INPP4A: variants seen among roughly 807,000 people sequenced by gnomAD.
INPP4A encodes the protein inositol polyphosphate-4-phosphatase type I A.
In INPP4A, 33 loss-of-function variants were observed where a neutral mutation model predicts 119.8. The observed-to-expected ratio is 0.28, with a 90% CI of 0.21 to 0.37. The LOEUF is 0.37. INPP4A is among the 10% of genes least tolerant of loss of function. INPP4A has a pLI of 1.00. For missense variants in INPP4A, 956 were observed against 1,289.9 expected (o/e 0.74, Z 3.97); for synonymous variants, 496 against 500.7 (o/e 0.99, Z 0.12).
Position 98,444,945 on chromosome 2 carries a change from G to A in INPP4A, c.-306G>A, listed in dbSNP as rs1315575384. The A allele has an allele frequency of 6.6e-6, 1 of 151,126 alleles. No individual in the cohort carries two copies. The highest frequency in any genetic ancestry group is 1.5e-5 in the Non-Finnish European group (1 of 67,704). The allele number at this position is 151,126 out of a possible 1,614,324, so 9.4% of individuals were successfully genotyped here. ...CGCCGGGTCGGGCTCCGTGGGCCGG[G>A]GCAGGAGGACCAGCACCTGAGGCCG... On this transcript the variant is annotated 5_prime_UTR_variant, in exon 1 of 25. Transcript: ENST00000409851.
At chr2:98,542,704 A>G (rs1207544779) in intron 10 of INPP4A, among the ~76,000 whole-genome samples, 2 of 150,660 alleles carry the variant, frequency 1.3e-5, no homozygotes, top group Admixed American at 1.3e-4. Flanking sequence ...ATGATTGTGT[A>G]GCTGTTCTTC....
intron 1 of INPP4A, among the ~76,000 whole-genome samples, chr2:98,474,502 C>A (rs772245152): frequency 6.6e-6 from 1 of 152,218 alleles, no homozygotes; most frequent in Non-Finnish European, 1.5e-5. Flanking sequence ...CATGGCCGCT[C>A]ACCCCACAGG....
intron 1 of INPP4A, among the ~76,000 whole-genome samples, chr2:98,503,592 C>G (rs1321133769): frequency 6.6e-6 from 1 of 152,208 alleles, no homozygotes; most frequent in Admixed American, 6.5e-5. Context: ...ATGTTTTACT[C>G]CATCATTAAA....
At chr2:98,489,989 G>T (rs1364359878) in intron 1 of INPP4A, among the ~76,000 whole-genome samples, 2 of 151,584 alleles carry the variant, frequency 1.3e-5, no homozygotes, top group Admixed American at 1.3e-4. Flanking sequence ...AGGGCCTAGG[G>T]TGATGGAGCT....
chr2:98,511,827 A>G (rs1685177173), intron 1 of INPP4A, among the ~76,000 whole-genome samples: 1 of 152,140 alleles, frequency 6.6e-6, no homozygotes, highest in African/African-American at 2.4e-5. Context: ...CCATGCCACC[A>G]AGCCATATTG....
At chr2:98,564,323 C>T (rs1696034938) in intron 18 of INPP4A, among the ~76,000 whole-genome samples, 1 of 152,178 alleles carries the variant, frequency 6.6e-6, no homozygotes, top group Non-Finnish European at 1.5e-5. Flanking sequence ...AGTAGATAGA[C>T]CCTTTCACTG....
intron 4 of INPP4A, among the ~76,000 whole-genome samples, chr2:98,523,926 G>A (rs1375022220): frequency 6.6e-6 from 1 of 152,106 alleles, no homozygotes; most frequent in Non-Finnish European, 1.5e-5. Flanking sequence ...TTTTGGTTGT[G>A]GAAGTATGGA....
chr2:98,569,880 C>A lies in INPP4A; in HGVS notation c.2518+1212C>A. 1 of 152,450 alleles carries A rather than the reference C, an allele frequency of 6.6e-6. No homozygotes were observed. 9.4% of individuals were successfully genotyped at this position (152,450 alleles called of 1,614,324 possible). On this transcript the variant is annotated intron_variant, in intron 22 of 24. Coordinates refer to ENST00000409851, the MANE Select transcript of INPP4A (RefSeq NM_001134225.2). The surrounding 1 kb of genome is among the most constrained non-coding windows in gnomAD (Gnocchi z 5.1). ...TTGGATTGGAAGAGGGGAGGCAAGC[C>A]GCTGATGGCCAGAGTGAGGCTGTGA...
chr2:98,493,382 C>T (rs1681242871), intron 1 of INPP4A, among the ~76,000 whole-genome samples: 1 of 151,226 alleles, frequency 6.6e-6, no homozygotes, highest in Non-Finnish European at 1.5e-5. Flanking sequence ...AGCTTATTTA[C>T]TAATCAGGAT....
At chr2:98,494,408 A>G (rs1219911034) in intron 1 of INPP4A, among the ~76,000 whole-genome samples, 1 of 152,214 alleles carries the variant, frequency 6.6e-6, no homozygotes, top group African/African-American at 2.4e-5. Context: ...CAAGAAGAGC[A>G]AAGGCTACTG....
At chr2:98,458,964 G>A (rs559943271) in intron 1 of INPP4A, among the ~76,000 whole-genome samples, 1 of 152,322 alleles carries the variant, frequency 6.6e-6, no homozygotes, top group Non-Finnish European at 1.5e-5. Flanking sequence ...CGTCAGGATG[G>A]TAGCCACCAC....
chr2:98,466,023 C>T (rs190371328), intron 1 of INPP4A, among the ~76,000 whole-genome samples: 28 of 152,050 alleles, frequency 1.8e-4, no homozygotes, highest in Non-Finnish European at 2.5e-4. Flanking sequence ...CTTCTTGTTA[C>T]GTTTTTTGTT....
At chr2:98,450,348 A>G (rs1361696091) in intron 1 of INPP4A, among the ~76,000 whole-genome samples, 1 of 152,234 alleles carries the variant, frequency 6.6e-6, no homozygotes, top group Non-Finnish European at 1.5e-5. Context: ...AAAATTGATT[A>G]CCTGGATTTG....
chr2:98,539,794 C>T (rs1691049026), intron 10 of INPP4A, 119 bp downstream of exon 10: 1 of 978,754 alleles, frequency 1.0e-6, no homozygotes. Flanking sequence ...CACAGCCTCT[C>T]CCCCTGCAGC....
chr2:98,573,209 G>A (rs919150997), intron 23 of INPP4A, among the ~76,000 whole-genome samples: 6 of 152,284 alleles, frequency 3.9e-5, no homozygotes, highest in African/African-American at 1.2e-4. Flanking sequence ...CCTGGCGATC[G>A]ATACCAGCTG....
At position 98,577,588 on chromosome 2, in the gene INPP4A, A is replaced by G. The variant is rs1409716068; in HGVS notation, c.2786+445A>G. On this transcript the variant is annotated intron_variant, in intron 24 of 24. Coordinates refer to ENST00000409851, the MANE Select transcript of INPP4A (RefSeq NM_001134225.2). ...AACTTGAGTGAAGCAACGCGTCTGC[A>G]GGTTGCATCGGTCTGCTCTGCTGCT... Among the ~76,000 whole-genome samples the G allele has an allele frequency of 2.0e-5, 3 of 152,256 alleles. No homozygotes were observed. In the East Asian group the frequency reaches 5.8e-4, roughly 29 times the overall value.
At chr2:98,574,743 A>G (rs555693303) in intron 23 of INPP4A, among the ~76,000 whole-genome samples, 17 of 152,234 alleles carry the variant, frequency 1.1e-4, no homozygotes, top group African/African-American at 3.9e-4. Context: ...ACACACAGGC[A>G]GTTTACAGAC....
At position 98,535,751 on chromosome 2, in the gene INPP4A, T is replaced by A. The variant is rs1307206202; in HGVS notation, c.293T>A (p.Leu98Gln). 2.6e-6 allele frequency: 4 copies of A among 1,549,510 alleles called. No individual in the cohort carries two copies. The highest frequency in any genetic ancestry group is 2.7e-6 in the Non-Finnish European group (3 of 1,129,154). Reference protein sequence around the residue: ...IIEGTNNPIFLSSIAFFQDSL... With the variant: ...IIEGTNNPIFQSSIAFFQDSL... The stretch of plus-strand genomic sequence containing the variant: ...TAGGGAACCAACAATCCTATATTTC[T>A]AAGCAGTATTGCCTTCTTTCAAGAC... Residue 98 changes from leucine (L) to glutamine (Q), a missense_variant, in exon 6 of 25, where the codon CTA becomes CAA. Transcript: ENST00000409851.
chr2:98,490,601 G>A (rs1680519216), intron 1 of INPP4A, among the ~76,000 whole-genome samples: 3 of 152,160 alleles, frequency 2.0e-5, no homozygotes, highest in Non-Finnish European at 2.9e-5. Flanking sequence ...AGGTATTTGC[G>A]ACCTGGTTTA....
Sources: gnomAD v4.1 joint callset for allele counts (sites outside exome capture counted in the v4.1 genomes callset) on GRCh38, gnomAD v4.1.1 for gene constraint, Gnocchi (gnomAD v3.1) non-coding constraint, MANE v1.5 for transcripts, NCBI Gene and HGNC (gene_info 2026-07-23, HGNC 2026-07-21) for gene names.